Variants in FKBP14 observed in about 807,000 individuals in gnomAD.
FKBP14 encodes peptidyl-prolyl cis-trans isomerase FKBP14.
FKBP14 carries 20 observed loss-of-function variants against 21.6 expected under a neutral mutation model. The ratio of observed to expected loss-of-function variants is 0.92; its 90% CI spans 0.65 to 1.34. The LOEUF is 1.34. FKBP14 is among the 40% of genes most tolerant of loss of function. The pLI, the probability that FKBP14 is intolerant of heterozygous loss-of-function variation, is 0.00. For missense variants in FKBP14, 253 were observed against 249.0 expected (o/e 1.02, Z -0.11); for synonymous variants, 79 against 86.7 (o/e 0.91, Z 0.49).
chr7:30,016,957 CTA>C (rs1487337665), intron 3 of FKBP14, among the ~76,000 whole-genome samples: 7 of 151,918 alleles, frequency 4.6e-5, no homozygotes, highest in Admixed American at 1.3e-4. Context: ...CCATTAAACT[CTA>C]TGGATTAATG....
rs1167900441 is a variant in FKBP14 at position 30,012,545 on chromosome 7, T to C, written c.*2190A>G. 6.6e-6 allele frequency: 1 copy of C among 152,242 alleles called. No homozygotes were observed. Among genetic ancestry groups the C allele is most frequent in the Non-Finnish European group, 1.5e-5 (1 of 68,040 alleles). 9.4% of individuals were successfully genotyped at this position (152,242 alleles called of 1,614,324 possible). On this transcript the variant is annotated 3_prime_UTR_variant, in exon 4 of 4. Coordinates refer to ENST00000222803, the MANE Select transcript of FKBP14 (RefSeq NM_017946.4). ...GGAGAAAGGTGTTACAGTATAGTCT[T>C]GTTAAGAACTTTATGTTTTACTGAG...
chr7:30,015,518 A>G (rs1215730664), intron 3 of FKBP14, among the ~76,000 whole-genome samples: 4 of 151,670 alleles, frequency 2.6e-5, no homozygotes. Context: ...CATGTATACA[A>G]TCCTCATATA....
Position 30,026,439 on chromosome 7 carries a change from C to G in FKBP14, c.70G>C (p.Glu24Gln). The G allele has an allele frequency of 1.9e-6, 3 of 1,614,134 alleles. No homozygotes were observed. Among genetic ancestry groups the G allele is most frequent in the Non-Finnish European group, 2.5e-6 (3 of 1,179,994 alleles). Residue 24 changes from glutamate (E) to glutamine (Q), a missense_variant, in exon 1 of 4, where the codon GAA (glutamate) becomes CAA (glutamine). Glu to Gln is a conservative substitution (Grantham distance 29). Coordinates refer to ENST00000222803, the MANE Select transcript of FKBP14 (RefSeq NM_017946.4). ...VTSLIGALIP[E>Q]PEVKIEVLQK... The stretch of plus-strand genomic sequence containing the variant: ...AGAACTTCAATTTTCACTTCTGGTT[C>G]AGGGATCAAAGCCCCAATCAAAGAA...
chr7:30,014,390 A>G lies in FKBP14; in HGVS notation c.*345T>C, dbSNP rs1044363083. On this transcript the variant is annotated 3_prime_UTR_variant, in exon 4 of 4. Coordinates refer to ENST00000222803, the MANE Select transcript of FKBP14 (RefSeq NM_017946.4). ...AGAAAATAGAGGGAAGCAGAAATAT[A>G]GGGTGCTAATTTGTGCTATAACCTG... 2 of 159,134 alleles carry G rather than the reference A, an allele frequency of 1.3e-5. No homozygotes were observed. Among genetic ancestry groups the G allele is most frequent in the African/African-American group, 2.4e-5 (1 of 41,756 alleles). 9.9% of individuals were successfully genotyped at this position (159,134 alleles called of 1,614,324 possible). A position where few individuals can be genotyped will look rare whatever the true frequency, so the allele number is the denominator to read the frequency against.
chr7:30,024,490 T>C (rs2127950168), intron 1 of FKBP14, among the ~76,000 whole-genome samples: 1 of 152,308 alleles, frequency 6.6e-6, no homozygotes, highest in Non-Finnish European at 1.5e-5. Context: ...AGCCTCCGCC[T>C]CCTGGGTTCA....
At position 30,010,815 on chromosome 7, in the gene FKBP14, TG is replaced by T. The variant is rs1480702715; in HGVS notation, c.*3919del. On this transcript the variant is annotated 3_prime_UTR_variant, in exon 4 of 4. Transcript: ENST00000222803. ...CTGACCCTGCATAGGCCTAGGCTAG[TG>T]TGTTTGTCTTGGTTTTTGACCAAAA... 1 of 152,164 alleles carries T rather than the reference TG, an allele frequency of 6.6e-6. No individual in the cohort carries two copies. The highest frequency in any genetic ancestry group is 1.5e-5 in the Non-Finnish European group (1 of 68,024). The allele number at this position is 152,164 out of a possible 1,614,324, so 9.4% of individuals were successfully genotyped here. A position where few individuals can be genotyped will look rare whatever the true frequency, so the allele number is the denominator to read the frequency against.
rs778176957 is a variant in FKBP14, at chr7:30,026,474, A to AG, written c.34dup (p.Leu12ProfsTer13). ...AGCCCCAATCAAAGAAGTGACGAAC[A>AG]GAGTCAAGACCGCGTTCCACAAGAA... On this transcript the variant is annotated frameshift_variant, in exon 1 of 4. Transcript: ENST00000222803. LOFTEE classifies it high-confidence loss of function. 55 of 1,613,776 alleles carry AG rather than the reference A, an allele frequency of 3.4e-5. No individual in the cohort carries two copies. The highest frequency in any genetic ancestry group is 4.3e-5 in the Non-Finnish European group (51 of 1,179,940).
At chr7:30,024,223 G>A (rs1790112376) in intron 1 of FKBP14, among the ~76,000 whole-genome samples, 1 of 152,148 alleles carries the variant, frequency 6.6e-6, no homozygotes, top group Non-Finnish European at 1.5e-5. Flanking sequence ...AATGATCAAA[G>A]TAACAAAATG....
At chr7:30,022,901 A>C (rs1790074725) in intron 1 of FKBP14, 85 bp from the exon 2 acceptor site, 1 of 1,217,706 alleles carries the variant, frequency 8.2e-7, no homozygotes, top group Non-Finnish European at 1.1e-6. Context: ...TAAGTGGTTA[A>C]GTTTATTAGT....
intron 3 of FKBP14, among the ~76,000 whole-genome samples, chr7:30,017,561 C>G (rs1448784383): frequency 6.8e-6 from 1 of 147,876 alleles, no homozygotes; most frequent in Non-Finnish European, 1.5e-5. Context: ...GAGTGAGATT[C>G]CGTCTAAAAA....
In FKBP14 at chr7:30,011,182, ACG is replaced by A. The variant is rs1484605617; in HGVS notation, c.*3551_*3552del. The A allele has an allele frequency of 6.6e-6, 1 of 151,850 alleles. No individual in the cohort carries two copies. Among genetic ancestry groups the A allele is most frequent in the Non-Finnish European group, 1.5e-5 (1 of 68,032 alleles). 9.4% of individuals were successfully genotyped at this position (151,850 alleles called of 1,614,324 possible). On this transcript the variant is annotated 3_prime_UTR_variant, in exon 4 of 4. Transcript: ENST00000222803. Reference sequence around the variant, plus strand: ...CAGCCTCTCAATTAGCTGGGACTACACGCATGTGCCACCACACCTGGCTAATT... The same window carrying A: ...CAGCCTCTCAATTAGCTGGGACTACACATGTGCCACCACACCTGGCTAATT...
downstream of FKBP14, among the ~76,000 whole-genome samples, chr7:30,007,778 A>G (rs1789642562): frequency 6.6e-6 from 1 of 152,088 alleles, no homozygotes; most frequent in Non-Finnish European, 1.5e-5. Context: ...GCCCAGCGTG[A>G]TGGCTCACAC....
At chr7:30,015,738 G>T (rs1442085602) in intron 3 of FKBP14, among the ~76,000 whole-genome samples, 2 of 144,304 alleles carry the variant, frequency 1.4e-5, no homozygotes, top group Admixed American at 7.1e-5. Context: ...CCATTCTCCT[G>T]CCTCAGCCTC....
chr7:30,019,134 G>A lies in FKBP14; in HGVS notation c.350-11C>T. 6.4e-7 allele frequency: 1 copy of A among 1,559,242 alleles called. No individual in the cohort carries two copies. The highest frequency in any genetic ancestry group is 8.6e-7 in the Non-Finnish European group (1 of 1,163,238). ...CTGGGGGAATTTTACCTGACGTGAG[G>A]AAAGAAGGCAGAAAGTTTTAAAAGA... On this transcript the variant is annotated splice_polypyrimidine_tract_variant and intron_variant, in intron 2 of 3. Transcript: ENST00000222803.
chr7:30,016,439 G>C (rs1439839730), intron 3 of FKBP14, among the ~76,000 whole-genome samples: 1 of 151,894 alleles, frequency 6.6e-6, no homozygotes, highest in African/African-American at 2.4e-5. Flanking sequence ...TGTCACGCAG[G>C]CTGGAGTATA....
chr7:30,026,674 G>A lies in FKBP14; in HGVS notation c.-166C>T, dbSNP rs963011175. ...TTTACCACCAACTCTTTTCTCAAGGGTCACGAACCTACCTTTAAAGAGTTA... is the reference window on the plus strand; with the variant it reads ...TTTACCACCAACTCTTTTCTCAAGGATCACGAACCTACCTTTAAAGAGTTA... On this transcript the variant is annotated 5_prime_UTR_variant, in exon 1 of 4. Coordinates refer to ENST00000222803, the MANE Select transcript of FKBP14 (RefSeq NM_017946.4). The A allele has an allele frequency of 3.4e-6, 2 of 596,668 alleles. No homozygotes were observed. Among genetic ancestry groups the A allele is most frequent in the Admixed American group, 3.0e-5 (1 of 32,956 alleles). The allele number at this position is 596,668 out of a possible 1,614,324, so 37.0% of individuals were successfully genotyped here. A position where few individuals can be genotyped will look rare whatever the true frequency, so the allele number is the denominator to read the frequency against.
chr7:30,012,663 A>T lies in FKBP14; in HGVS notation c.*2072T>A, dbSNP rs1789771188. 6.6e-6 allele frequency: 1 copy of T among 152,236 alleles called. No homozygotes were observed. 9.4% of individuals were successfully genotyped at this position (152,236 alleles called of 1,614,324 possible). On this transcript the variant is annotated 3_prime_UTR_variant, in exon 4 of 4. Transcript: ENST00000222803. Reference sequence around the variant, plus strand: ...TAAACAACAAATGGGGGTAAATATGAATGAAAGAAGTAAAACACATCTGGA... The same window carrying T: ...TAAACAACAAATGGGGGTAAATATGTATGAAAGAAGTAAAACACATCTGGA...
At position 30,018,978 on chromosome 7, in the gene FKBP14, GGAA is replaced by G. The variant is rs766444580; in HGVS notation, c.477+15_477+17del. The stretch of plus-strand genomic sequence containing the variant: ...CCAAAGAAAAGTAGAAAGAGGAGTA[GGAA>G]GAAGGAAAGGTCACCTCATCTTTAG... On this transcript the variant is annotated intron_variant, in intron 3 of 3. Transcript: ENST00000222803. The G allele has an allele frequency of 5.0e-6, 8 of 1,603,660 alleles. No individual in the cohort carries two copies. The Admixed American group carries it at 1.4e-4, about 28-fold the overall frequency.
downstream of FKBP14, chr7:30,008,386 G>A (rs956682281): frequency 3.3e-5 from 5 of 151,752 alleles, no homozygotes; most frequent in East Asian, 1.9e-4. Flanking sequence ...AGGTAAGAAT[G>A]TATTGATTTC....
Sources: gnomAD v4.1 joint callset for allele counts (sites outside exome capture counted in the v4.1 genomes callset) on GRCh38, gnomAD v4.1.1 for gene constraint, MANE v1.5 for transcripts, NCBI Gene and HGNC (gene_info 2026-07-23, HGNC 2026-07-21) for gene names.